The following AK7 variants were observed in gnomAD, a reference collection of about 807,000 sequenced individuals.
The protein encoded by AK7 is adenylate kinase 7.
A neutral mutation model predicts 96.6 loss-of-function variants in AK7; 78 were observed. That is an observed-to-expected ratio of 0.81 (90% CI 0.67 to 0.97). The LOEUF (loss-of-function observed/expected upper bound fraction) is 0.97, where lower values mean the gene tolerates loss of function less well. Ranked by LOEUF, AK7 falls within the 50% of genes least tolerant of loss-of-function variation. AK7 has a pLI of 0.00. For synonymous variants in AK7, 302 were observed against 317.2 expected (o/e 0.95, Z 0.51); for missense variants, 855 against 887.9 (o/e 0.96, Z 0.47).
Position 96,471,529 on chromosome 14 carries a change from C to A in AK7, c.1409C>A (p.Ser470Ter). 2 of 1,566,858 alleles carry A rather than the reference C, an allele frequency of 1.3e-6. No individual in the cohort carries two copies. Among genetic ancestry groups the A allele is most frequent in the Non-Finnish European group, 1.7e-6 (2 of 1,146,178 alleles). The change falls in exon 13 of 18, where the codon TCA becomes TAA. Residue 470 changes from serine (S) to a stop codon, truncating the protein, a stop_gained. Coordinates refer to ENST00000267584, the MANE Select transcript of AK7 (RefSeq NM_152327.5). LOFTEE classifies it high-confidence loss of function. ...IIRFMKEKLKSMPCRNQGYIL... is the reference protein window; with the variant it reads ...IIRFMKEKLK ...AGATTTATGAAAGAAAAGCTAAAAT[C>A]AATGCCTTGCAGGAATCAAGGTTAT... is the stretch of plus-strand genomic sequence containing the variant.
rs1229144646 is a variant in AK7 at position 96,404,843 on chromosome 14, G to A, written c.381G>A (p.Glu127=). 6.2e-7 allele frequency: 1 copy of A among 1,610,278 alleles called. No homozygotes were observed. The highest frequency in any genetic ancestry group is 1.7e-5 in the Admixed American group (1 of 59,964). The change falls in exon 3 of 18, where the codon GAG becomes GAA. Residue 127 remains glutamate (E), a synonymous_variant. Transcript: ENST00000267584. ...TCACTGAGAGCTCACAGCAAATGGAGGAAGCCATCTGGGCAGTCTCTGGTC... is the reference window on the plus strand; with the variant it reads ...TCACTGAGAGCTCACAGCAAATGGAAGAAGCCATCTGGGCAGTCTCTGGTC... ...YNITESSQQM[E]EAIWAVSALS... is the part of the protein sequence containing the mutation.
At chr14:96,414,769 T>C (rs1265854607) in intron 4 of AK7, among the ~76,000 whole-genome samples, 2 of 147,458 alleles carry the variant, frequency 1.4e-5, no homozygotes, top group Non-Finnish European at 3.0e-5. Flanking sequence ...TTTTTTTTTT[T>C]TTTTTTTTTT....
chr14:96,405,337 C>A (rs536807598), intron 3 of AK7, among the ~76,000 whole-genome samples: 6 of 152,038 alleles, frequency 3.9e-5, no homozygotes, highest in African/African-American at 1.4e-4. Context: ...CTTGTGCCAC[C>A]ATACCCCAGC....
In AK7 at chr14:96,399,911, T is replaced by C. The variant is rs1890307095; in HGVS notation, c.294+1648T>C. On this transcript the variant is annotated intron_variant, in intron 2 of 17. Transcript: ENST00000267584. The surrounding 1 kb of genome is among the most constrained non-coding windows in gnomAD (Gnocchi z 4.1). ...GCTCCCCATATAGCCAGTGCTTTTT[T>C]TGCCTGTCTGCAGCCTCCAAATCCG... is the stretch of plus-strand genomic sequence containing the variant. Among the ~76,000 whole-genome samples the C allele has an allele frequency of 6.6e-6, 1 of 152,098 alleles. No individual in the cohort carries two copies. Among genetic ancestry groups the C allele is most frequent in the South Asian group, 2.1e-4 (1 of 4,822 alleles).
chr14:96,424,242 CG>C (rs1211855255), intron 5 of AK7: 1 of 437,146 alleles, frequency 2.3e-6, no homozygotes, highest in African/African-American at 2.2e-5. Context: ...AGCGCGCAGC[CG>C]GGAGTGCCGC....
At chr14:96,456,867 G>C in intron 11 of AK7, 1 of 196,900 alleles carries the variant, frequency 5.1e-6, no homozygotes. Context: ...CTCTTGGGAG[G>C]ATGTCTGGGC....
intron 1 of AK7, among the ~76,000 whole-genome samples, chr14:96,396,063 G>A (rs1009757918): frequency 6.6e-6 from 1 of 151,922 alleles, no homozygotes; most frequent in Non-Finnish European, 1.5e-5. Flanking sequence ...GCCTGCCTTG[G>A]CCTCCCAAAG....
intron 2 of AK7, among the ~76,000 whole-genome samples, chr14:96,404,120 G>A (rs1421098730): frequency 2.7e-5 from 4 of 147,028 alleles, no homozygotes; most frequent in Non-Finnish European, 4.4e-5. Context: ...CTCCAGCCTG[G>A]GCAAAACAGA....
At chr14:96,482,754 A>G (rs1895566820) in intron 15 of AK7, among the ~76,000 whole-genome samples, 1 of 152,130 alleles carries the variant, frequency 6.6e-6, no homozygotes, top group African/African-American at 2.4e-5. Flanking sequence ...TCAACCACTC[A>G]AATCAAGTCA....
chr14:96,468,558 A>G (rs555976494), intron 12 of AK7, among the ~76,000 whole-genome samples: 3 of 151,882 alleles, frequency 2.0e-5, no homozygotes, highest in East Asian at 1.9e-4. Flanking sequence ...CGGGCTCCCA[A>G]AGTGCTGGGA....
In AK7 at chr14:96,456,853, G is replaced by C. The variant is rs550356364; in HGVS notation, c.1227+378G>C. ...AGTGGTCATGCTGGTTTCTCCTGAG[G>C]ACACTCTTGGGAGGATGTCTGGGCT... On this transcript the variant is annotated intron_variant, in intron 11 of 17. Coordinates refer to ENST00000267584, the MANE Select transcript of AK7 (RefSeq NM_152327.5). 175 of 216,086 alleles carry C rather than the reference G, an allele frequency of 8.1e-4. 1 individual carries two copies. Among genetic ancestry groups the C allele is most frequent in the African/African-American group, 3.8e-3 (167 of 43,638 alleles). The allele number at this position is 216,086 out of a possible 1,614,324, so 13.4% of individuals were successfully genotyped here.
In AK7 at chr14:96,458,099, C is replaced by T. The variant is rs1055493002; in HGVS notation, c.1244C>T (p.Pro415Leu). The T allele has an allele frequency of 6.2e-7, 1 of 1,613,384 alleles. No individual in the cohort carries two copies. The highest frequency in any genetic ancestry group is 1.3e-5 in the African/African-American group (1 of 74,960). The change falls in exon 12 of 18, where the codon CCT becomes CTT. Residue 415 changes from proline (P) to leucine (L), a missense_variant. Coordinates refer to ENST00000267584, the MANE Select transcript of AK7 (RefSeq NM_152327.5). Reference sequence around the variant, plus strand: ...GGTATGCAGGAGGCGATTGTTGCCCCTAACGATGTAGGGGAAGGAGAAGAA... The same window carrying T: ...GGTATGCAGGAGGCGATTGTTGCCCTTAACGATGTAGGGGAAGGAGAAGAA... The part of the protein sequence containing the change: ...AIAKLEAIVA[P>L]NDVGEGEEEV...
intron 5 of AK7, among the ~76,000 whole-genome samples, chr14:96,431,258 C>G (rs1892334935): frequency 6.6e-6 from 1 of 152,042 alleles, no homozygotes; most frequent in Admixed American, 6.6e-5. Context: ...TCTCTGTCTC[C>G]TTCAGTTCTG....
At chr14:96,471,888 T>C (rs1287221470) in intron 13 of AK7, among the ~76,000 whole-genome samples, 2 of 152,172 alleles carry the variant, frequency 1.3e-5, no homozygotes, top group Non-Finnish European at 2.9e-5. Flanking sequence ...AGCTTTTAAG[T>C]GTGCGATACA....
chr14:96,445,222 T>C (rs989158781), intron 7 of AK7, among the ~76,000 whole-genome samples: 18 of 152,240 alleles, frequency 1.2e-4, no homozygotes, highest in African/African-American at 4.3e-4. Context: ...ACAAATAAAG[T>C]CCATTGAAAT....
At chr14:96,472,800 G>A (rs1173109516) in intron 14 of AK7, 45 bp downstream of exon 14, 1 of 1,540,564 alleles carries the variant, frequency 6.5e-7, no homozygotes, top group Non-Finnish European at 8.9e-7. Flanking sequence ...ATGTTCTCTG[G>A]GCTGGGCGTG....
At chr14:96,433,530 T>A (rs111977110) in intron 5 of AK7, among the ~76,000 whole-genome samples, 49,600 of 151,238 alleles carry the variant, frequency 0.33, 8,397 homozygotes, top group Middle Eastern at 0.39. Context: ...TCAGGTCATT[T>A]AAGGTCTTCT....
At chr14:96,402,892 G>T (rs936839265) in intron 2 of AK7, among the ~76,000 whole-genome samples, 3 of 151,978 alleles carry the variant, frequency 2.0e-5, no homozygotes, top group African/African-American at 7.3e-5. Context: ...TACTTTGGGA[G>T]GCCAAGCGGG....
intron 5 of AK7, among the ~76,000 whole-genome samples, chr14:96,421,750 C>A (rs1891711566): frequency 6.6e-6 from 1 of 152,028 alleles, no homozygotes; most frequent in East Asian, 1.9e-4. Flanking sequence ...GGACTACAGG[C>A]ACGTGCCACC....
Sources: allele counts gnomAD v4.1 joint callset (sites outside exome capture counted in the v4.1 genomes callset), GRCh38; gene constraint gnomAD v4.1.1; non-coding constraint Gnocchi (gnomAD v3.1); transcripts MANE v1.5; gene names NCBI Gene and HGNC (gene_info 2026-07-23, HGNC 2026-07-21).